NXPE3: variants seen among roughly 807,000 people sequenced by gnomAD.
NXPE3 encodes neurexophilin and PC-esterase domain family member 3, also known as NXPE family member 3.
Under a neutral mutation model 46.1 loss-of-function variants are expected in NXPE3, and 26 were observed. The ratio of observed to expected loss-of-function variants is 0.56; its 90% CI spans 0.41 to 0.78. NXPE3 has a LOEUF of 0.78. NXPE3 is among the 30% of genes least tolerant of loss of function. NXPE3 has a pLI of 0.00. For missense variants in NXPE3, 620 were observed against 686.0 expected, an observed-to-expected ratio of 0.90 and a Z score of 1.07; for synonymous variants, 272 against 257.9, an observed-to-expected ratio of 1.05 and a Z score of -0.52.
chr3:101,780,720 A>T (rs887093491), intron 1 of NXPE3, among the ~76,000 whole-genome samples: 8 of 152,236 alleles, frequency 5.3e-5, no homozygotes, highest in Non-Finnish European at 1.2e-4. Flanking sequence ...TTCAATATTT[A>T]AAAAATAGCA....
intron 6 of NXPE3, among the ~76,000 whole-genome samples, chr3:101,811,091 G>T (rs566490315): frequency 6.6e-6 from 1 of 152,276 alleles, no homozygotes; most frequent in South Asian, 2.1e-4. Context: ...AAAGTGCTGG[G>T]ATTACATGCG....
intron 5 of NXPE3, among the ~76,000 whole-genome samples, chr3:101,806,577 G>C (rs1451325328): frequency 6.6e-6 from 1 of 152,188 alleles, no homozygotes; most frequent in Non-Finnish European, 1.5e-5. Context: ...TCCTGGTAAT[G>C]ATGAGCAAAG....
intron 7 of NXPE3, 102 bp from the exon 8 acceptor site, chr3:101,821,302 A>C: frequency 3.4e-6 from 3 of 873,652 alleles, no homozygotes; most frequent in Non-Finnish European, 5.3e-6. Flanking sequence ...TTTTTGTTGT[A>C]CTTAAAAAAA....
At chr3:101,788,321 C>T (rs1940310060) in intron 4 of NXPE3, among the ~76,000 whole-genome samples, 1 of 151,994 alleles carries the variant, frequency 6.6e-6, no homozygotes, top group Non-Finnish European at 1.5e-5. Context: ...TTCTCCCATT[C>T]CATAGGTTGC....
intron 4 of NXPE3, among the ~76,000 whole-genome samples, chr3:101,798,012 A>G (rs537624614): frequency 6.9e-4 from 83 of 120,640 alleles, no homozygotes; most frequent in African/African-American, 2.5e-3. Context: ...TGACTTCCAC[A>G]ATGGTTGAAC....
intron 7 of NXPE3, among the ~76,000 whole-genome samples, chr3:101,817,214 G>C (rs190209722): frequency 1.2e-3 from 179 of 152,324 alleles, no homozygotes; most frequent in Non-Finnish European, 1.3e-3. Context: ...TTCTCATTGA[G>C]GTTTATGTCA....
intron 7 of NXPE3, 67 bp from the exon 8 acceptor site, chr3:101,821,337 A>G (rs1942237915): frequency 2.9e-6 from 4 of 1,366,902 alleles, no homozygotes; most frequent in Non-Finnish European, 4.1e-6. Context: ...GCCACTTAAT[A>G]AGGTATAATC....
At position 101,824,327 on chromosome 3, in the gene NXPE3, G is replaced by T. The variant is rs1011300666; in HGVS notation, c.*2373G>T. The T allele has an allele frequency of 5.9e-5, 9 of 152,156 alleles. No homozygotes were observed. The highest frequency in any genetic ancestry group is 2.2e-4 in the African/African-American group (9 of 41,414). The allele number at this position is 152,156 out of a possible 1,614,324, so 9.4% of individuals were successfully genotyped here. Reference sequence around the variant, plus strand: ...TTCTGTTCATGATCCAATAGTATTGGTGATATTAGCTCCATTTTATAGATG... The same window carrying T: ...TTCTGTTCATGATCCAATAGTATTGTTGATATTAGCTCCATTTTATAGATG... On this transcript the variant is annotated 3_prime_UTR_variant, in exon 8 of 8. Transcript: ENST00000273347.
chr3:101,801,788 C>G lies in NXPE3; in HGVS notation c.647C>G (p.Ser216Ter). 1.2e-6 allele frequency: 2 copies of G among 1,614,166 alleles called. No individual in the cohort carries two copies. Among genetic ancestry groups the G allele is most frequent in the African/African-American group, 1.3e-5 (1 of 75,064 alleles). The change falls in exon 5 of 8, where the codon TCA becomes TGA. Residue 216 changes from serine (S) to a stop codon, truncating the protein, a stop_gained. Transcript: ENST00000273347. LOFTEE classifies it high-confidence loss of function. ...DRVYFKSLFR[S>*]GRISETTECN... ...GTCTATTTCAAGAGTCTCTTCCGTT[C>G]AGGAAGAATTTCTGAAACTACTGAG... is the stretch of plus-strand genomic sequence containing the variant.
At chr3:101,818,569 A>G (rs1428897326) in intron 7 of NXPE3, among the ~76,000 whole-genome samples, 1 of 151,604 alleles carries the variant, frequency 6.6e-6, no homozygotes, top group Admixed American at 6.6e-5. Flanking sequence ...GATCTAATCA[A>G]AAGAAAGTGG....
chr3:101,783,565 C>A (rs1939961232), intron 3 of NXPE3, among the ~76,000 whole-genome samples: 1 of 152,174 alleles, frequency 6.6e-6, no homozygotes, highest in South Asian at 2.1e-4. Context: ...TCCTGTAGTT[C>A]TTTTGCTTTA....
chr3:101,801,542 G>A lies in NXPE3; in HGVS notation c.401G>A (p.Arg134Lys). Residue 134 changes from arginine to lysine, a missense_variant, in exon 5 of 8, where the codon AGA (arginine) becomes AAA (lysine). Arg to Lys is a conservative substitution (Grantham distance 26, BLOSUM62 2). Coordinates refer to ENST00000273347, the MANE Select transcript of NXPE3 (RefSeq NM_145037.4). Reference protein sequence around the residue: ...EVLVHVQDFQRKPKKYGGDYL... With the variant: ...EVLVHVQDFQKKPKKYGGDYL... ...CTGGTTCATGTGCAGGATTTTCAAA[G>A]AAAGCCCAAGAAGTATGGTGGAGAC... 6 of 1,614,214 alleles carry A rather than the reference G, an allele frequency of 3.7e-6. No homozygotes were observed. The highest frequency in any genetic ancestry group is 5.1e-6 in the Non-Finnish European group (6 of 1,180,046).
At position 101,816,942 on chromosome 3, in the gene NXPE3, A is replaced by G. The variant is rs1560065534; in HGVS notation, c.1070A>G (p.His357Arg). 4.3e-6 allele frequency: 7 copies of G among 1,614,142 alleles called. No individual in the cohort carries two copies. The highest frequency in any genetic ancestry group is 5.1e-6 in the Non-Finnish European group (6 of 1,180,006). ...ITECLQRKVV[H>R]LFGDSTIRQW... ...GAGTGCTTACAAAGAAAAGTGGTGC[A>G]TTTATTTGGTGACTCAACAATCAGG... The change falls in exon 7 of 8, where the codon CAT becomes CGT. Residue 357 changes from histidine to arginine, a missense_variant. Physicochemically the swap from His to Arg is conservative, Grantham distance 29 (BLOSUM62 0). Around this residue, in one of 3 missense-constraint regions of NXPE3, gnomAD observed 511 missense variants for 528.6 expected, o/e 0.97. Transcript: ENST00000273347.
chr3:101,812,018 G>A (rs1434231043), intron 6 of NXPE3, among the ~76,000 whole-genome samples: 6 of 152,196 alleles, frequency 3.9e-5, no homozygotes, highest in Non-Finnish European at 8.8e-5. Flanking sequence ...ACAGGTGTGA[G>A]CCACCACTGT....
Position 101,822,151 on chromosome 3 carries a change from A to C in NXPE3, c.*197A>C. 1 of 568,524 alleles carries C rather than the reference A, an allele frequency of 1.8e-6. No homozygotes were observed. Among genetic ancestry groups the C allele is most frequent in the South Asian group, 2.4e-5 (1 of 41,102 alleles). 35.2% of individuals were successfully genotyped at this position (568,524 alleles called of 1,614,324 possible). On this transcript the variant is annotated 3_prime_UTR_variant, in exon 8 of 8. Transcript: ENST00000273347. Reference sequence around the variant, plus strand: ...ATATCTACCTATAGGATTTTATCCAATGTTGACTTAGCCATGGTAGAACTC... The same window carrying C: ...ATATCTACCTATAGGATTTTATCCACTGTTGACTTAGCCATGGTAGAACTC...
At chr3:101,808,858 A>ATATATATAT in intron 6 of NXPE3, among the ~76,000 whole-genome samples, 1 of 14,432 alleles carries the variant, frequency 6.9e-5, no homozygotes, top group African/African-American at 2.4e-4. Flanking sequence ...TATATATATG[A>ATATATATAT]GACATTTATC....
intron 7 of NXPE3, 87 bp from the exon 8 acceptor site, chr3:101,821,317 G>A (rs1942237011): frequency 2.2e-5 from 24 of 1,093,640 alleles, no homozygotes; most frequent in Non-Finnish European, 3.0e-5. Flanking sequence ...AAAAAAAATT[G>A]TTATTTGAAG....
Position 101,801,367 on chromosome 3 carries a change from A to G in NXPE3, c.226A>G (p.Met76Val). 1 of 1,614,208 alleles carries G rather than the reference A, an allele frequency of 6.2e-7. No individual in the cohort carries two copies. The highest frequency in any genetic ancestry group is 8.5e-7 in the Non-Finnish European group (1 of 1,180,046). ...GCAGACCCTGTCCAGCCAGGAGCGCATGGAGGAGGACTCCTTGCTGGCTGC... is the reference window on the plus strand; with the variant it reads ...GCAGACCCTGTCCAGCCAGGAGCGCGTGGAGGAGGACTCCTTGCTGGCTGC... ...DQQTLSSQER[M>V]EEDSLLAALH... The change falls in exon 5 of 8, where the codon ATG becomes GTG. Residue 76 changes from methionine to valine, a missense_variant. Around this residue, in one of 3 missense-constraint regions of NXPE3, gnomAD observed 511 missense variants for 528.6 expected, o/e 0.97. Coordinates refer to ENST00000273347, the MANE Select transcript of NXPE3 (RefSeq NM_145037.4).
At chr3:101,795,735 C>T (rs1940796135) in intron 4 of NXPE3, among the ~76,000 whole-genome samples, 2 of 152,026 alleles carry the variant, frequency 1.3e-5, no homozygotes, top group Admixed American at 1.3e-4. Context: ...ATGCCCAATT[C>T]AAGCTAATGG....
Sources: allele counts gnomAD v4.1 joint callset (sites outside exome capture counted in the v4.1 genomes callset), GRCh38; gene constraint gnomAD v4.1.1; regional missense constraint gnomAD v4.1.1; transcripts MANE v1.5; gene names NCBI Gene and HGNC (gene_info 2026-07-23, HGNC 2026-07-21).